WSB1: variants seen among roughly 807,000 people sequenced by gnomAD.
The protein encoded by WSB1 is WD repeat and SOCS box containing 1, also known as WD repeat and SOCS box-containing protein 1.
In WSB1, 23 loss-of-function variants were observed where a neutral mutation model predicts 50.2. The ratio of observed to expected loss-of-function variants is 0.46; its 90% CI spans 0.33 to 0.65. The LOEUF is 0.65. Among genes scored for constraint, WSB1 ranks in the 30% least tolerant of loss-of-function variants. The probability of loss-of-function intolerance (pLI) is 0.02; values close to 1 mark genes in which losing one functional copy is unlikely to be tolerated. For synonymous variants in WSB1, 179 were observed against 172.0 expected, an observed-to-expected ratio of 1.04 and a Z score of -0.32; for missense variants, 492 against 522.3, an observed-to-expected ratio of 0.94 and a Z score of 0.56.
chr17:27,294,326 C>T lies in WSB1; in HGVS notation c.-70C>T, dbSNP rs137948039. ...GGGACCAACTTGGCGTCACGCCCCT[C>T]AGCGGTCGCCACTCTCTTCTCTGTT... On this transcript the variant is annotated 5_prime_UTR_variant, in exon 1 of 9. Coordinates refer to ENST00000262394, the MANE Select transcript of WSB1 (RefSeq NM_015626.10). The T allele has an allele frequency of 0.014, 21,863 of 1,588,592 alleles. 296 individuals are homozygous for T. The highest frequency in any genetic ancestry group is 0.052 in the Middle Eastern group (307 of 5,960).
At chr17:27,302,014 CAGTGT>C (rs1341618903) in intron 2 of WSB1, 58 bp downstream of exon 2, 11 of 1,493,046 alleles carry the variant, frequency 7.4e-6, no homozygotes, top group Non-Finnish European at 9.8e-6. Context: ...CATTTTCTCT[CAGTGT>C]AGGGTAATAA....
At position 27,312,694 on chromosome 17, in the gene WSB1, A is replaced by G; in HGVS notation, c.*325A>G. 1 of 202,808 alleles carries G rather than the reference A, an allele frequency of 4.9e-6. No individual in the cohort carries two copies. The highest frequency in any genetic ancestry group is 1.0e-5 in the Non-Finnish European group (1 of 100,450). The allele number at this position is 202,808 out of a possible 1,614,324, so 12.6% of individuals were successfully genotyped here. A position where few individuals can be genotyped will look rare whatever the true frequency, so the allele number is the denominator to read the frequency against. On this transcript the variant is annotated 3_prime_UTR_variant, in exon 9 of 9. Transcript: ENST00000262394. ...AGTTCTGACATGTATATATTGCTTC[A>G]GTAGAGCCACAATATGTATCTTTGC...
At chr17:27,311,387 C>T (rs2017670069) in intron 7 of WSB1, 122 bp from the exon 8 acceptor site, 2 of 614,916 alleles carry the variant, frequency 3.3e-6, no homozygotes, top group Non-Finnish European at 2.8e-6. Context: ...TTATAATTGC[C>T]TGTTGGTGTG....
chr17:27,312,364 A>G lies in WSB1; in HGVS notation c.1261A>G (p.Ile421Val). The part of the protein sequence containing the change: ...SKLLEFLSYR[I>V] The stretch of plus-strand genomic sequence containing the variant: ...GCTTTTGGAGTTTCTCTCGTATCGT[A>G]TTTAGAAGATTCTGCCTTCCCTAGT... Residue 421 changes from isoleucine (I) to valine (V), a missense_variant, in exon 9 of 9, where the codon ATT becomes GTT. Physicochemically the swap from Ile to Val is conservative, Grantham distance 29. Transcript: ENST00000262394. 1 of 1,613,936 alleles carries G rather than the reference A, an allele frequency of 6.2e-7. No individual in the cohort carries two copies. Among genetic ancestry groups the G allele is most frequent in the Non-Finnish European group, 8.5e-7 (1 of 1,179,970 alleles).
At chr17:27,301,532 T>G (rs917871087) in intron 1 of WSB1, among the ~76,000 whole-genome samples, 1 of 152,232 alleles carries the variant, frequency 6.6e-6, no homozygotes, top group Admixed American at 6.5e-5. Context: ...TGACCAGTTT[T>G]TTTTACGGAA....
chr17:27,300,214 G>T (rs1181199676), intron 1 of WSB1, among the ~76,000 whole-genome samples: 1 of 144,006 alleles, frequency 6.9e-6, no homozygotes, highest in East Asian at 2.0e-4. Flanking sequence ...CAGTGTAAGG[G>T]GTTCTTATGT....
At chr17:27,307,592 A>T in intron 5 of WSB1, 1 of 707,302 alleles carries the variant, frequency 1.4e-6, no homozygotes, top group Non-Finnish European at 2.3e-6. Flanking sequence ...TTACCCAAGG[A>T]GTATGTTAAA....
Position 27,311,496 on chromosome 17 carries a change from A to T in WSB1, c.999-13A>T. ...TTTTCTACAAGATACTAAATAATTT[A>T]TTTCATTTTCAGAATGGTGAGGTTC... is the stretch of plus-strand genomic sequence containing the variant. On this transcript the variant is annotated splice_polypyrimidine_tract_variant and intron_variant, in intron 7 of 8. Coordinates refer to ENST00000262394, the MANE Select transcript of WSB1 (RefSeq NM_015626.10). 2.5e-6 allele frequency: 4 copies of T among 1,574,726 alleles called. No homozygotes were observed. The highest frequency in any genetic ancestry group is 3.4e-6 in the Non-Finnish European group (4 of 1,167,266).
chr17:27,297,935 C>T (rs1358340089), intron 1 of WSB1, among the ~76,000 whole-genome samples: 1 of 151,882 alleles, frequency 6.6e-6, no homozygotes, highest in South Asian at 2.1e-4. Context: ...TGGTGAAACT[C>T]CGTCTCTGCT....
At chr17:27,311,645 T>TC in intron 8 of WSB1, 29 bp downstream of exon 8, 1 of 1,455,180 alleles carries the variant, frequency 6.9e-7, no homozygotes, top group East Asian at 2.4e-5. Flanking sequence ...TTTTTTTTTT[T>TC]TTTTTTTTTT....
intron 6 of WSB1, among the ~76,000 whole-genome samples, chr17:27,309,831 T>C (rs2017601609): frequency 6.6e-6 from 1 of 152,200 alleles, no homozygotes; most frequent in Admixed American, 6.5e-5. Flanking sequence ...TCCACCTGCC[T>C]TAACCTCCCA....
In WSB1 at chr17:27,309,215, A is replaced by G; in HGVS notation, c.827A>G (p.Tyr276Cys). The change falls in exon 6 of 9, where the codon TAT becomes TGT. Residue 276 changes from tyrosine to cysteine, a missense_variant. Coordinates refer to ENST00000262394, the MANE Select transcript of WSB1 (RefSeq NM_015626.10). ...PDGALLATAS[Y>C]DTRVYIWDPH... Reference sequence around the variant, plus strand: ...GGAGCATTACTGGCTACTGCATCTTATGATACTCGAGTATATATCTGGGAT... The same window carrying G: ...GGAGCATTACTGGCTACTGCATCTTGTGATACTCGAGTATATATCTGGGAT... 2 of 1,612,920 alleles carry G rather than the reference A, an allele frequency of 1.2e-6. No homozygotes were observed. The highest frequency in any genetic ancestry group is 8.5e-7 in the Non-Finnish European group (1 of 1,179,438).
At position 27,312,151 on chromosome 17, in the gene WSB1, G is replaced by A. The variant is rs1236686744; in HGVS notation, c.1107-59G>A. ...GTATTGGGTGATAGTTGTTTGAGCT[G>A]TAGCAACACTGAAATACATATACTT... On this transcript the variant is annotated intron_variant, in intron 8 of 8. Transcript: ENST00000262394. The A allele has an allele frequency of 1.6e-5, 25 of 1,551,682 alleles. 1 individual carries two copies. The South Asian group carries it at 2.8e-4, about 18-fold the overall frequency.
intron 2 of WSB1, chr17:27,303,151 T>C (rs2017304421): frequency 2.0e-6 from 1 of 491,880 alleles, no homozygotes; most frequent in African/African-American, 2.0e-5. Flanking sequence ...TGCTTTATTG[T>C]TGAACTTACT....
In WSB1 at chr17:27,312,404, G is replaced by A. The variant is rs373703943; in HGVS notation, c.*35G>A. 2.7e-4 allele frequency: 440 copies of A among 1,603,944 alleles called. No homozygotes were observed. Among genetic ancestry groups the A allele is most frequent in the Non-Finnish European group, 3.5e-4 (411 of 1,177,768 alleles). ...CCTTCCCTAGTAGTAGGGACTGACA[G>A]AATACACTTAACACAAACCTCAAGC... On this transcript the variant is annotated 3_prime_UTR_variant, in exon 9 of 9. Transcript: ENST00000262394.
At chr17:27,311,160 A>C (rs556163822) in intron 7 of WSB1, among the ~76,000 whole-genome samples, 1 of 152,298 alleles carries the variant, frequency 6.6e-6, no homozygotes, top group Non-Finnish European at 1.5e-5. Context: ...CTAGCTTTTA[A>C]AAATGTCTTG....
intron 2 of WSB1, 86 bp downstream of exon 2, chr17:27,302,042 AT>A: frequency 1.4e-6 from 2 of 1,392,576 alleles, no homozygotes; most frequent in Admixed American, 5.3e-5. Context: ...ACATTTTGAT[AT>A]TTAAGTTTTA....
intron 1 of WSB1, among the ~76,000 whole-genome samples, chr17:27,297,467 CCTA>C (rs1379097561): frequency 4.0e-5 from 6 of 151,654 alleles, no homozygotes; most frequent in Non-Finnish European, 8.8e-5. Context: ...CTGCCCCCGG[CCTA>C]CTCTTTTTTT....
intron 1 of WSB1, among the ~76,000 whole-genome samples, chr17:27,298,610 T>C (rs1431022134): frequency 6.6e-6 from 1 of 152,004 alleles, no homozygotes; most frequent in African/African-American, 2.4e-5. Context: ...CTGAGCACTT[T>C]GGGAGGCCGA....
Sources: allele counts gnomAD v4.1 joint callset (sites outside exome capture counted in the v4.1 genomes callset), GRCh38; gene constraint gnomAD v4.1.1; transcripts MANE v1.5; gene names NCBI Gene and HGNC (gene_info 2026-07-23, HGNC 2026-07-21).